HPS5: variants seen among roughly 807,000 people sequenced by gnomAD.
HPS5 encodes HPS5 biogenesis of lysosomal organelles complex 2 subunit 2.
HPS5 carries 83 observed loss-of-function variants against 128.0 expected under a neutral mutation model. The ratio of observed to expected loss-of-function variants is 0.65; its 90% CI spans 0.54 to 0.78. The LOEUF (loss-of-function observed/expected upper bound fraction) is 0.78. HPS5 is among the 30% of genes least tolerant of loss of function. The probability of loss-of-function intolerance (pLI) is 0.00; values close to 1 mark genes in which losing one functional copy is unlikely to be tolerated. For missense variants in HPS5, 1,281 were observed against 1,326.2 expected (o/e 0.97, Z 0.53); for synonymous variants, 475 against 470.2 (o/e 1.01, Z -0.13).
chr11:18,283,417 G>A (rs1169801804), intron 21 of HPS5, among the ~76,000 whole-genome samples: 2 of 151,412 alleles, frequency 1.3e-5, no homozygotes, highest in Non-Finnish European at 2.9e-5. Context: ...ATTAGTAGCT[G>A]TGTGACTTTG....
rs1452096067 is a variant in HPS5 at position 18,291,520 on chromosome 11, T to C, written c.2362A>G (p.Lys788Glu). Residue 788 changes from lysine to glutamate, a missense_variant, in exon 16 of 23, where the codon AAA becomes GAA. By Grantham distance (56) the Lys-to-Glu change is moderately conservative. Coordinates refer to ENST00000349215, the MANE Select transcript of HPS5 (RefSeq NM_181507.2). ...AGCTTGATACTCTCCTTCGCTCTTT[T>C]CAAGTTCAGGAGAAAAAAGTACTTC... is the stretch of plus-strand genomic sequence containing the variant. ...LKKYFFLLNLKRAKESIKLSY... is the reference protein window; with the variant it reads ...LKKYFFLLNLERAKESIKLSY... 5 of 1,611,986 alleles carry C rather than the reference T, an allele frequency of 3.1e-6. No homozygotes were observed. The highest frequency in any genetic ancestry group is 3.4e-5 in the Admixed American group (2 of 59,684).
rs778777981 is a variant in HPS5 at position 18,281,962 on chromosome 11, T to G, written c.3317A>C (p.Glu1106Ala). The G allele has an allele frequency of 1.7e-5, 28 of 1,614,102 alleles. No homozygotes were observed. Among genetic ancestry groups the G allele is most frequent in the Non-Finnish European group, 2.2e-5 (26 of 1,180,054 alleles). Residue 1106 changes from glutamate to alanine, a missense_variant, in exon 22 of 23, where the codon GAG (glutamate) becomes GCG (alanine). Physicochemically the swap from Glu to Ala is moderately radical, Grantham distance 107 (BLOSUM62 -1). Coordinates refer to ENST00000349215, the MANE Select transcript of HPS5 (RefSeq NM_181507.2). ...AAACTGATATTACCTCTGCCTTTTC[T>G]CAGCAATCCTCAGGATATCGCAGGT... Reference protein sequence around the residue: ...TRTCDILRIAEKRQRALIQSM... With the variant: ...TRTCDILRIAAKRQRALIQSM...
At chr11:18,310,577 C>T (rs764969192) in intron 5 of HPS5, among the ~76,000 whole-genome samples, 164 bp downstream of exon 5, 17 of 152,158 alleles carry the variant, frequency 1.1e-4, no homozygotes, top group Admixed American at 9.2e-4. Flanking sequence ...AACAGGCCAC[C>T]GTGTGTACTA....
At chr11:18,293,497 T>C (rs1401853949) in intron 14 of HPS5, among the ~76,000 whole-genome samples, 2 of 152,292 alleles carry the variant, frequency 1.3e-5, no homozygotes, top group East Asian at 3.9e-4. Context: ...ACGGCAAGTA[T>C]TATACTCATG....
At chr11:18,286,414 G>A (rs535945435) in intron 19 of HPS5, among the ~76,000 whole-genome samples, 177 bp downstream of exon 19, 4 of 152,170 alleles carry the variant, frequency 2.6e-5, no homozygotes, top group African/African-American at 9.6e-5. Flanking sequence ...GTGTGCTCCT[G>A]TCTTCCCAGC....
intron 21 of HPS5, among the ~76,000 whole-genome samples, chr11:18,283,328 TAAA>T (rs34748325): frequency 7.2e-5 from 9 of 124,488 alleles, no homozygotes; most frequent in Admixed American, 5.7e-4. Context: ...AATGGGAAAT[TAAA>T]AAAAAAAAAA....
intron 19 of HPS5, among the ~76,000 whole-genome samples, chr11:18,286,227 G>C (rs1226229455): frequency 6.6e-6 from 1 of 152,192 alleles, no homozygotes; most frequent in Non-Finnish European, 1.5e-5. Flanking sequence ...CATTCCAAAG[G>C]AACACTGGAG....
Position 18,279,109 on chromosome 11 carries a change from GT to G in HPS5, c.*772del, listed in dbSNP as rs1858564828. The G allele has an allele frequency of 6.6e-6, 1 of 152,202 alleles. No homozygotes were observed. Among genetic ancestry groups the G allele is most frequent in the Non-Finnish European group, 1.5e-5 (1 of 68,032 alleles). 9.4% of individuals were successfully genotyped at this position (152,202 alleles called of 1,614,324 possible). A position where few individuals can be genotyped will look rare whatever the true frequency, so the allele number is the denominator to read the frequency against. On this transcript the variant is annotated 3_prime_UTR_variant, in exon 23 of 23. Coordinates refer to ENST00000349215, the MANE Select transcript of HPS5 (RefSeq NM_181507.2). ...TTATTTAATTTGTTTTTGAGACAGG[GT>G]CTTTCTCTGTCACCCAGACTGGTGT... is the stretch of plus-strand genomic sequence containing the variant.
At position 18,291,406 on chromosome 11, in the gene HPS5, G is replaced by A. The variant is rs4757638; in HGVS notation, c.2440+36C>T. The A allele has an allele frequency of 0.6, 822,718 of 1,365,908 alleles. 250,637 individuals carry two copies. The highest frequency in any genetic ancestry group is 0.81 in the East Asian group (34,830 of 42,888). The allele number at this position is 1,365,908 out of a possible 1,614,324, so 84.6% of individuals were successfully genotyped here. On this transcript the variant is annotated intron_variant, in intron 16 of 22. Transcript: ENST00000349215. ...CAAAACTGCTAATGTTTTTTAATAC[G>A]AATTTCTATCTTTGATAAGGCAATC...
chr11:18,317,960 T>C (rs548550632), intron 1 of HPS5, 53 bp from the exon 2 acceptor site: 8 of 1,314,456 alleles, frequency 6.1e-6, no homozygotes, highest in Middle Eastern at 4.3e-4. Flanking sequence ...TCATTTAACA[T>C]GCATTTAACA....
In HPS5 at chr11:18,305,470, G is replaced by A; in HGVS notation, c.848C>T (p.Thr283Ile). The A allele has an allele frequency of 6.2e-7, 1 of 1,609,518 alleles. No individual in the cohort carries two copies. Among genetic ancestry groups the A allele is most frequent in the Non-Finnish European group, 8.5e-7 (1 of 1,176,048 alleles). ...TLRSEPQYDH[T>I]AGSSQSLSFP... ...AGACAAAGACTGGGAGGATCCAGCT[G>A]TATGATCATACTGAGGTTCTGATCT... The change falls in exon 8 of 23, where the codon ACA becomes ATA. Residue 283 changes from threonine to isoleucine, a missense_variant. Physicochemically the swap from Thr to Ile is moderately conservative, Grantham distance 89. Coordinates refer to ENST00000349215, the MANE Select transcript of HPS5 (RefSeq NM_181507.2).
rs560693223 is a variant in HPS5, at chr11:18,309,041, G to A, written c.516C>T (p.Ile172=). 2 of 1,613,828 alleles carry A rather than the reference G, an allele frequency of 1.2e-6. No individual in the cohort carries two copies. Among genetic ancestry groups the A allele is most frequent in the Non-Finnish European group, 1.7e-6 (2 of 1,179,760 alleles). Residue 172 remains isoleucine, a synonymous_variant, in exon 6 of 23, where the codon ATC becomes ATT. Coordinates refer to ENST00000349215, the MANE Select transcript of HPS5 (RefSeq NM_181507.2). ...AAFVMFPVQT[I]TTVDSCVVQL... ...GTACAACACAGGAGTCAACAGTTGT[G>A]ATTGTCTGAACAGGAAACATCACAA... is the stretch of plus-strand genomic sequence containing the variant.
At chr11:18,296,303 A>G (rs1405995209) in intron 12 of HPS5, 181 bp from the exon 13 acceptor site, 3 of 636,526 alleles carry the variant, frequency 4.7e-6, no homozygotes, top group South Asian at 2.0e-5. Flanking sequence ...GATGGTCCAC[A>G]TAAAACACCG....
At chr11:18,303,759 C>A (rs887321973) in intron 8 of HPS5, among the ~76,000 whole-genome samples, 2 of 151,532 alleles carry the variant, frequency 1.3e-5, no homozygotes, top group Middle Eastern at 3.4e-3. Context: ...AAGGCTGAGG[C>A]AGGAGAATTG....
At chr11:18,315,152 A>G (rs906167575) in intron 2 of HPS5, among the ~76,000 whole-genome samples, 1 of 152,202 alleles carries the variant, frequency 6.6e-6, no homozygotes, top group Non-Finnish European at 1.5e-5. Flanking sequence ...TAAAGGGGTT[A>G]TTGGGGCTCA....
At chr11:18,314,249 C>T (rs1329559893) in intron 2 of HPS5, among the ~76,000 whole-genome samples, 3 of 152,026 alleles carry the variant, frequency 2.0e-5, no homozygotes, top group Non-Finnish European at 4.4e-5. Context: ...CCCCCTCCCC[C>T]GACCAGCCGT....
chr11:18,317,931 A>G (rs1863841837), intron 1 of HPS5, 24 bp from the exon 2 acceptor site: 7 of 1,512,224 alleles, frequency 4.6e-6, no homozygotes, highest in Non-Finnish European at 6.3e-6. Flanking sequence ...ACAAAAATAT[A>G]ATTTAAGAAG....
In HPS5 at chr11:18,287,981, T is replaced by G. The variant is rs1194175926; in HGVS notation, c.2473A>C (p.Met825Leu). Residue 825 changes from methionine (M) to leucine (L), a missense_variant, in exon 17 of 23, where the codon ATG becomes CTG. By Grantham distance (15) the Met-to-Leu change is conservative. Transcript: ENST00000349215. ...MASSNPVYME[M>L]EKGDLPTRLK... ...CTTGTTGGTAGATCTCCTTTTTCCA[T>G]CTCCATATACACAGGATTGGAACTT... is the stretch of plus-strand genomic sequence containing the variant. The G allele has an allele frequency of 6.2e-7, 1 of 1,613,738 alleles. No homozygotes were observed. Among genetic ancestry groups the G allele is most frequent in the Non-Finnish European group, 8.5e-7 (1 of 1,179,886 alleles).
chr11:18,299,765 G>A (rs755103546), intron 9 of HPS5, among the ~76,000 whole-genome samples: 2 of 152,140 alleles, frequency 1.3e-5, no homozygotes, highest in Non-Finnish European at 2.9e-5. Flanking sequence ...GGGCAATAGA[G>A]GGAAAAATAA....
Sources: allele counts gnomAD v4.1 joint callset (sites outside exome capture counted in the v4.1 genomes callset), GRCh38; gene constraint gnomAD v4.1.1; transcripts MANE v1.5; gene names NCBI Gene and HGNC (gene_info 2026-07-23, HGNC 2026-07-21).